ANK2: variants seen among roughly 807,000 people sequenced by gnomAD.
The protein encoded by ANK2 is ankyrin-2.
A neutral mutation model predicts 360.5 loss-of-function variants in ANK2; 83 were observed. That is an observed-to-expected ratio of 0.23 (90% CI 0.19 to 0.28). The LOEUF is 0.28. Among genes scored for constraint, ANK2 ranks in the 10% least tolerant of loss-of-function variants. ANK2 has a pLI of 1.00. For missense variants in ANK2, 4,201 were observed against 4,795.7 expected (o/e 0.88, Z 3.66); for synonymous variants, 1,740 against 1,759.5 (o/e 0.99, Z 0.28).
intron 5 of ANK2, among the ~76,000 whole-genome samples, chr4:113,233,996 A>G (rs891946082): frequency 6.6e-6 from 1 of 152,244 alleles, no homozygotes; most frequent in African/African-American, 2.4e-5. Flanking sequence ...GCCTCTGAGA[A>G]ATATATCAAA....
the ANK2 span, among the ~76,000 whole-genome samples, chr4:112,763,882 C>T: frequency 2.0e-5 from 3 of 152,092 alleles, no homozygotes; most frequent in Non-Finnish European, 4.4e-5. Context: ...TATATCTCTC[C>T]TTGGATCTCT....
At chr4:112,827,380 C>T in intron 1 of ANK2, 1 of 1,370,986 alleles carries the variant, frequency 7.3e-7, no homozygotes, top group South Asian at 1.2e-5. Flanking sequence ...AGATGCTAAT[C>T]TCACAGCTCT....
At chr4:113,129,878 TG>T (rs2095900521) in intron 1 of ANK2, among the ~76,000 whole-genome samples, 3 of 152,190 alleles carry the variant, frequency 2.0e-5, no homozygotes, top group African/African-American at 7.2e-5. Context: ...AATTTGTTGG[TG>T]ATATTAACTA....
In ANK2 at chr4:113,323,358, GTTA is replaced by G. The variant is rs1204313304; in HGVS notation, c.2900+4743_2900+4745del. Among the ~76,000 whole-genome samples the G allele has an allele frequency of 8.5e-5, 13 of 152,204 alleles. 1 individual carries two copies. The highest frequency in any genetic ancestry group is 6.5e-5 in the Admixed American group (1 of 15,268). ...CATTTCTTCTGTGATAGCCCAAAAAGTTATTATCATTATTTTTAAAGTATTAAA... is the reference window on the plus strand; with the variant it reads ...CATTTCTTCTGTGATAGCCCAAAAAGTTATCATTATTTTTAAAGTATTAAA... On this transcript the variant is annotated intron_variant, in intron 26 of 45. Transcript: ENST00000357077.
intron 2 of ANK2, among the ~76,000 whole-genome samples, chr4:113,177,366 C>T (rs1434665952): frequency 1.3e-5 from 2 of 152,202 alleles, no homozygotes; most frequent in Non-Finnish European, 2.9e-5. Context: ...AGGCGTGAGC[C>T]ACCGCGCCCG....
chr4:112,710,859 T>A, the ANK2 span, among the ~76,000 whole-genome samples: 15 of 150,408 alleles, frequency 1.0e-4, no homozygotes, highest in African/African-American at 2.2e-4. Context: ...AGAAAAATAT[T>A]TCTGAGAATG....
intron 4 of ANK2, among the ~76,000 whole-genome samples, chr4:113,209,734 A>G (rs900957466): frequency 2.0e-5 from 3 of 152,024 alleles, no homozygotes; most frequent in Non-Finnish European, 2.9e-5. Context: ...GAGGTTCCAC[A>G]TTGGTTTTGG....
chr4:113,380,993 C>T (rs904583393), intron 45 of ANK2, among the ~76,000 whole-genome samples: 1 of 152,062 alleles, frequency 6.6e-6, no homozygotes, highest in Non-Finnish European at 1.5e-5. Context: ...AAGTTTGGGT[C>T]AGGGTATGAC....
chr4:112,753,634 C>CA, the ANK2 span, among the ~76,000 whole-genome samples: 1 of 152,076 alleles, frequency 6.6e-6, no homozygotes, highest in African/African-American at 2.4e-5. Context: ...AGAAGCCAGC[C>CA]AAAACCCACC....
At chr4:112,917,526 T>C (rs567419367) in intron 2 of ANK2, among the ~76,000 whole-genome samples, 1 of 152,344 alleles carries the variant, frequency 6.6e-6, no homozygotes, top group East Asian at 1.9e-4. Flanking sequence ...CTTTATTCCA[T>C]GTGTTACATG....
At chr4:113,142,398 C>T (rs888145064) in intron 1 of ANK2, among the ~76,000 whole-genome samples, 4 of 152,214 alleles carry the variant, frequency 2.6e-5, no homozygotes, top group South Asian at 2.1e-4. Context: ...AGTATCTGAT[C>T]GTCGGCAAAG....
upstream of ANK2, among the ~76,000 whole-genome samples, chr4:113,048,248 GTATATATA>G (rs869196489): frequency 0.013 from 461 of 36,212 alleles, 6 homozygotes; most frequent in African/African-American, 0.03. Flanking sequence ...CTACAAGTGT[GTATATATA>G]TATATATATA....
At chr4:113,067,973 C>T (rs1479622716) in intron 1 of ANK2, among the ~76,000 whole-genome samples, 1 of 152,180 alleles carries the variant, frequency 6.6e-6, no homozygotes, top group Non-Finnish European at 1.5e-5. Flanking sequence ...CGGAGCCACT[C>T]AGTAATGCTG....
At chr4:112,893,173 A>T (rs2080625327) in intron 1 of ANK2, among the ~76,000 whole-genome samples, 1 of 152,172 alleles carries the variant, frequency 6.6e-6, no homozygotes, top group Non-Finnish European at 1.5e-5. Flanking sequence ...GATTAATATG[A>T]TAAAGCATAT....
intron 2 of ANK2, among the ~76,000 whole-genome samples, chr4:112,985,454 T>C (rs2044514770): frequency 6.6e-6 from 1 of 152,170 alleles, no homozygotes; most frequent in East Asian, 1.9e-4. Flanking sequence ...CTCATAGTAG[T>C]GTGTTTCCCT....
chr4:113,332,222 G>C, intron 28 of ANK2, 152 bp downstream of exon 28: 3 of 728,014 alleles, frequency 4.1e-6, no homozygotes, highest in Non-Finnish European at 7.2e-6. Flanking sequence ...GACCATTTCT[G>C]ACCCTTGTGG....
chr4:112,838,983 A>C (rs911396363), intron 1 of ANK2, among the ~76,000 whole-genome samples: 3 of 152,122 alleles, frequency 2.0e-5, no homozygotes, highest in African/African-American at 7.2e-5. Flanking sequence ...TTCCCCTATC[A>C]AATAATGGCC....
chr4:112,946,898 T>G (rs907933582), intron 2 of ANK2, among the ~76,000 whole-genome samples: 1 of 152,232 alleles, frequency 6.6e-6, no homozygotes, highest in Non-Finnish European at 1.5e-5. Context: ...CTTCCTTAGG[T>G]GATTGTGCTC....
chr4:112,752,161 A>G, the ANK2 span, among the ~76,000 whole-genome samples: 2 of 152,206 alleles, frequency 1.3e-5, no homozygotes, highest in African/African-American at 2.4e-5. Context: ...ACACTGTGTT[A>G]GGAGGCTCAC....
Sources: gnomAD v4.1 joint callset for allele counts (sites outside exome capture counted in the v4.1 genomes callset) on GRCh38, gnomAD v4.1.1 for gene constraint, MANE v1.5 for transcripts, NCBI Gene and HGNC (gene_info 2026-07-23, HGNC 2026-07-21) for gene names.